The following ZNF518B variants were observed in gnomAD, a reference collection of about 807,000 sequenced individuals.
ZNF518B encodes the protein zinc finger protein 518B.
In ZNF518B, 23 loss-of-function variants were observed where a neutral mutation model predicts 56.3. The observed-to-expected ratio is 0.41, with a 90% CI of 0.29 to 0.58. The LOEUF (loss-of-function observed/expected upper bound fraction) is 0.58. Among genes scored for constraint, ZNF518B ranks in the 20% least tolerant of loss-of-function variants. The pLI is 0.32. For synonymous variants in ZNF518B, 529 were observed against 465.9 expected, an observed-to-expected ratio of 1.14 and a Z score of -1.74; for missense variants, 1,460 against 1,272.1, an observed-to-expected ratio of 1.15 and a Z score of -2.25.
In ZNF518B at chr4:10,446,395, A is replaced by G; in HGVS notation, c.-67T>C. 1.4e-6 allele frequency: 2 copies of G among 1,466,384 alleles called. No individual in the cohort carries two copies. Among genetic ancestry groups the G allele is most frequent in the Non-Finnish European group, 1.9e-6 (2 of 1,064,336 alleles). 90.8% of individuals were successfully genotyped at this position (1,466,384 alleles called of 1,614,324 possible). ...GTTTTCACATGATAAAATCCTTAGG[A>G]GATATCCTTCTATACAGTTTGTGAT... On this transcript the variant is annotated 5_prime_UTR_variant, in exon 3 of 3. Transcript: ENST00000326756.
At chr4:10,454,645 C>T (rs1715455549) in intron 2 of ZNF518B, 160 bp downstream of exon 2, 2 of 152,192 alleles carry the variant, frequency 1.3e-5, no homozygotes, top group African/African-American at 4.8e-5. Flanking sequence ...CCCTGATTAA[C>T]AGGTCTGGAG....
intron 1 of ZNF518B, among the ~76,000 whole-genome samples, chr4:10,456,231 T>C (rs1051902346): frequency 5.9e-5 from 9 of 152,170 alleles, no homozygotes; most frequent in Non-Finnish European, 1.2e-4. Context: ...TCGTTCATTA[T>C]TACAATTTTT....
At chr4:10,461,318 C>G (rs1011708611), upstream of ZNF518B, among the ~76,000 whole-genome samples, 4 of 152,224 alleles carry the variant, frequency 2.6e-5, no homozygotes, top group East Asian at 1.9e-4. Context: ...GGCCCGCACA[C>G]TCAGCTCGGC....
At chr4:10,446,836 A>G (rs898655294) in intron 2 of ZNF518B, among the ~76,000 whole-genome samples, 1 of 152,216 alleles carries the variant, frequency 6.6e-6, no homozygotes, top group African/African-American at 2.4e-5. Flanking sequence ...AGGGAAAGTC[A>G]TTTTCAAGTG....
chr4:10,443,431 G>C lies in ZNF518B; in HGVS notation c.2898C>G (p.Tyr966Ter). The change falls in exon 3 of 3, where the codon TAC becomes TAG. Residue 966 changes from tyrosine to a stop codon, truncating the protein, a stop_gained. Coordinates refer to ENST00000326756, the MANE Select transcript of ZNF518B (RefSeq NM_053042.3). LOFTEE classifies it high-confidence loss of function. The stretch of plus-strand genomic sequence containing the variant: ...AAACAACTTTGAGGACATTGCCTTT[G>C]TATTTATTTATTACCTTCATCACAT... ...VTNVMKVINKYKGNVLKVVLS... is the reference protein window; with the variant it reads ...VTNVMKVINK 1 of 1,614,178 alleles carries C rather than the reference G, an allele frequency of 6.2e-7. No individual in the cohort carries two copies. The highest frequency in any genetic ancestry group is 8.5e-7 in the Non-Finnish European group (1 of 1,180,030).
In ZNF518B at chr4:10,446,447, T is replaced by C; in HGVS notation, c.-119A>G. Reference sequence around the variant, plus strand: ...GGTAGGGGCGCAGCTACTTCTTGGGTGCATACTTAATTATCTTTCTTTATA... The same window carrying C: ...GGTAGGGGCGCAGCTACTTCTTGGGCGCATACTTAATTATCTTTCTTTATA... On this transcript the variant is annotated 5_prime_UTR_variant, in exon 3 of 3. Transcript: ENST00000326756. 1 of 916,750 alleles carries C rather than the reference T, an allele frequency of 1.1e-6. No individual in the cohort carries two copies. Among genetic ancestry groups the C allele is most frequent in the South Asian group, 1.7e-5 (1 of 57,902 alleles). The allele number at this position is 916,750 out of a possible 1,614,324, so 56.8% of individuals were successfully genotyped here. A position where few individuals can be genotyped will look rare whatever the true frequency, so the allele number is the denominator to read the frequency against.
At position 10,445,546 on chromosome 4, in the gene ZNF518B, T is replaced by G; in HGVS notation, c.783A>C (p.Ser261=). The change falls in exon 3 of 3, where the codon TCA becomes TCC. Residue 261 remains serine (S), a synonymous_variant. Transcript: ENST00000326756. ...TFQNKWSDQL[S]GFSLHANKDK... ...CTTTATTTGCATGGAGAGAGAAACC[T>G]GACAGTTGGTCTGACCACTTATTTT... 1 of 1,614,220 alleles carries G rather than the reference T, an allele frequency of 6.2e-7. No individual in the cohort carries two copies. Among genetic ancestry groups the G allele is most frequent in the African/African-American group, 1.3e-5 (1 of 75,076 alleles).
At chr4:10,458,880 G>A (rs1173308465), upstream of ZNF518B, among the ~76,000 whole-genome samples, 1 of 152,168 alleles carries the variant, frequency 6.6e-6, no homozygotes, top group African/African-American at 2.4e-5. Flanking sequence ...TGGAGAATCT[G>A]AGGTCTAGAC....
chr4:10,444,247 C>G lies in ZNF518B; in HGVS notation c.2082G>C (p.Gln694His), dbSNP rs1242628018. The change falls in exon 3 of 3, where the codon CAG becomes CAC. Residue 694 changes from glutamine (Q) to histidine (H), a missense_variant. By Grantham distance (24) the Gln-to-His change is conservative (BLOSUM62 0). Transcript: ENST00000326756. Reference protein sequence around the residue: ...SNSAHRRSVGQASKGTSKATS... With the variant: ...SNSAHRRSVGHASKGTSKATS... ...TAGCTTTTGAAGTTCCCTTTGATGC[C>G]TGCCCTACAGAGCGACGATGTGCAC... 3 of 1,614,068 alleles carry G rather than the reference C, an allele frequency of 1.9e-6. No homozygotes were observed. The Admixed American group carries it at 5.0e-5, about 27-fold the overall frequency.
At position 10,446,430 on chromosome 4, in the gene ZNF518B, C is replaced by T. The variant is rs553507353; in HGVS notation, c.-102G>A. The stretch of plus-strand genomic sequence containing the variant: ...CTATACAGTTTGTGATGGGTAGGGG[C>T]GCAGCTACTTCTTGGGTGCATACTT... On this transcript the variant is annotated 5_prime_UTR_variant, in exon 3 of 3. Coordinates refer to ENST00000326756, the MANE Select transcript of ZNF518B (RefSeq NM_053042.3). 2.3e-5 allele frequency: 25 copies of T among 1,103,874 alleles called. No individual in the cohort carries two copies. The highest frequency in any genetic ancestry group is 1.2e-4 in the South Asian group (8 of 64,512). 68.4% of individuals were successfully genotyped at this position (1,103,874 alleles called of 1,614,324 possible).
Position 10,443,963 on chromosome 4 carries a change from A to C in ZNF518B, c.2366T>G (p.Ile789Ser). ...AGGTGCTTCACATGTAGCCTCTATG[A>C]TGTGGGCATTCTCAGAGGAATTAAG... is the stretch of plus-strand genomic sequence containing the variant. ...RVLNSSENAHIIEATCEAPVS... is the reference protein window; with the variant it reads ...RVLNSSENAHSIEATCEAPVS... Residue 789 changes from isoleucine (I) to serine (S), a missense_variant, in exon 3 of 3, where the codon ATC becomes AGC. Coordinates refer to ENST00000326756, the MANE Select transcript of ZNF518B (RefSeq NM_053042.3). 2 of 1,614,100 alleles carry C rather than the reference A, an allele frequency of 1.2e-6. No homozygotes were observed. Among genetic ancestry groups the C allele is most frequent in the Non-Finnish European group, 1.7e-6 (2 of 1,179,946 alleles).
intron 1 of ZNF518B, among the ~76,000 whole-genome samples, chr4:10,455,930 A>G (rs1401184295): frequency 6.6e-6 from 1 of 152,210 alleles, no homozygotes; most frequent in Non-Finnish European, 1.5e-5. Context: ...CTAAAACAAT[A>G]TTTTCTGAAC....
Position 10,444,989 on chromosome 4 carries a change from A to C in ZNF518B, c.1340T>G (p.Val447Gly), listed in dbSNP as rs1453675701. The change falls in exon 3 of 3, where the codon GTG (valine) becomes GGG (glycine). Residue 447 changes from valine (V) to glycine (G), a missense_variant. Val to Gly is a moderately radical substitution (Grantham distance 109). Transcript: ENST00000326756. ...SYDFIMPNSS[V>G]HNNGKSFINS... Reference sequence around the variant, plus strand: ...AATGAAGGATTTTCCATTGTTGTGCACACTAGAATTTGGCATAATAAAATC... The same window carrying C: ...AATGAAGGATTTTCCATTGTTGTGCCCACTAGAATTTGGCATAATAAAATC... 9 of 1,614,028 alleles carry C rather than the reference A, an allele frequency of 5.6e-6. No homozygotes were observed. Among genetic ancestry groups the C allele is most frequent in the Middle Eastern group, 1.6e-4 (1 of 6,084 alleles).
chr4:10,451,331 A>G (rs1686297285), intron 2 of ZNF518B: 1 of 152,236 alleles, frequency 6.6e-6, no homozygotes, highest in Admixed American at 6.5e-5. Context: ...TAAAATTTGA[A>G]GAGAAGTAAG....
upstream of ZNF518B, among the ~76,000 whole-genome samples, chr4:10,457,723 C>T (rs1369452509): frequency 2.0e-5 from 3 of 152,222 alleles, no homozygotes; most frequent in African/African-American, 7.2e-5. Context: ...GGAGGGCGGC[C>T]TTGGCGCCTG....
upstream of ZNF518B, among the ~76,000 whole-genome samples, chr4:10,461,330 G>T (rs967929253): frequency 6.6e-6 from 1 of 152,198 alleles, no homozygotes; most frequent in Non-Finnish European, 1.5e-5. Context: ...CAGCTCGGCC[G>T]CCGCGGCTGC....
At position 10,440,525 on chromosome 4, in the gene ZNF518B, T is replaced by C. The variant is rs1029324812; in HGVS notation, c.*2579A>G. On this transcript the variant is annotated 3_prime_UTR_variant, in exon 3 of 3. Transcript: ENST00000326756. ...TTAGAAATGTGTTTATTTCATAACA[T>C]GTACCTACAGGTTAAGCTATCTTCT... 6.6e-6 allele frequency: 1 copy of C among 152,630 alleles called. No individual in the cohort carries two copies. The allele number at this position is 152,630 out of a possible 1,614,324, so 9.5% of individuals were successfully genotyped here.
rs1343136462 is a variant in ZNF518B at position 10,443,629 on chromosome 4, TTTC to T, written c.2697_2699del (p.Lys900del). 1 of 1,614,148 alleles carries T rather than the reference TTTC, an allele frequency of 6.2e-7. No homozygotes were observed. The highest frequency in any genetic ancestry group is 8.5e-7 in the Non-Finnish European group (1 of 1,179,994). On this transcript the variant is annotated inframe_deletion, in exon 3 of 3. Coordinates refer to ENST00000326756, the MANE Select transcript of ZNF518B (RefSeq NM_053042.3). ...GGCTAGGTTCAGCTTGAATTTTGTT[TTTC>T]TTCCTGGATAAGTGTACTTGTTTGG...
rs749607474 is a variant in ZNF518B, at chr4:10,442,352, CTT to C, written c.*750_*751del. 6.6e-6 allele frequency: 1 copy of C among 152,174 alleles called. No individual in the cohort carries two copies. Among genetic ancestry groups the C allele is most frequent in the African/African-American group, 2.4e-5 (1 of 41,438 alleles). 9.4% of individuals were successfully genotyped at this position (152,174 alleles called of 1,614,324 possible). On this transcript the variant is annotated 3_prime_UTR_variant, in exon 3 of 3. Coordinates refer to ENST00000326756, the MANE Select transcript of ZNF518B (RefSeq NM_053042.3). ...TTTAGATATTTTCCTTTTGTAATCTCTTTTTGTCTTTGCAAAAAGGTACGTTC... is the reference window on the plus strand; with the variant it reads ...TTTAGATATTTTCCTTTTGTAATCTCTTTGTCTTTGCAAAAAGGTACGTTC...
Sources: gnomAD v4.1 joint callset for allele counts (sites outside exome capture counted in the v4.1 genomes callset) on GRCh38, gnomAD v4.1.1 for gene constraint, MANE v1.5 for transcripts, NCBI Gene and HGNC (gene_info 2026-07-23, HGNC 2026-07-21) for gene names.